MYRIP: variants seen among roughly 807,000 people sequenced by gnomAD.
The protein encoded by MYRIP is myosin VIIA and Rab interacting protein, also known as rab effector MyRIP.
MYRIP carries 49 observed loss-of-function variants against 98.0 expected under a neutral mutation model. The observed-to-expected ratio is 0.50, with a 90% CI of 0.40 to 0.63. MYRIP has a LOEUF of 0.63. Among genes scored for constraint, MYRIP ranks in the 30% least tolerant of loss-of-function variants. MYRIP has a pLI of 0.00. For missense variants in MYRIP, 1,004 were observed against 1,058.2 expected (o/e 0.95, Z 0.71); for synonymous variants, 404 against 409.5 (o/e 0.99, Z 0.16).
chr3:39,863,490 CA>C, intron 1 of MYRIP, among the ~76,000 whole-genome samples: 1 of 151,614 alleles, frequency 6.6e-6, no homozygotes, highest in East Asian at 1.9e-4. Context: ...CACAGAAATA[CA>C]AAAAACAAAA....
intron 3 of MYRIP, among the ~76,000 whole-genome samples, chr3:40,147,521 A>G (rs1248251367): frequency 2.0e-5 from 3 of 152,188 alleles, no homozygotes; most frequent in Admixed American, 2.0e-4. Context: ...ATTATCTTCT[A>G]GAGACCAAAG....
chr3:39,955,477 T>A (rs1187427389), intron 2 of MYRIP, among the ~76,000 whole-genome samples: 2 of 152,118 alleles, frequency 1.3e-5, no homozygotes, highest in Admixed American at 6.6e-5. Context: ...AAGCAAATGC[T>A]GAGAGATTCT....
chr3:40,110,536 T>C (rs1191920379), intron 3 of MYRIP, among the ~76,000 whole-genome samples: 1 of 152,200 alleles, frequency 6.6e-6, no homozygotes, highest in East Asian at 1.9e-4. Context: ...TCTGTTTAAC[T>C]TGCTCAGCCT....
At chr3:40,214,483 G>T (rs537563831) in intron 11 of MYRIP, among the ~76,000 whole-genome samples, 7 of 152,306 alleles carry the variant, frequency 4.6e-5, no homozygotes, top group African/African-American at 1.7e-4. Context: ...TCAAACCTTT[G>T]CTGTATGCAA....
intron 4 of MYRIP, among the ~76,000 whole-genome samples, chr3:40,160,416 T>A (rs1391429157): frequency 2.0e-5 from 3 of 152,212 alleles, no homozygotes; most frequent in South Asian, 2.1e-4. Flanking sequence ...ACAGGGACAT[T>A]TAAGTCTGCA....
At chr3:40,095,669 A>G (rs1454278412) in intron 3 of MYRIP, among the ~76,000 whole-genome samples, 2 of 152,088 alleles carry the variant, frequency 1.3e-5, no homozygotes, top group Non-Finnish European at 2.9e-5. Context: ...ATGCAGAGAC[A>G]CCACAGGCAG....
chr3:39,893,908 C>G (rs1301871540), intron 1 of MYRIP, among the ~76,000 whole-genome samples: 2 of 152,064 alleles, frequency 1.3e-5, no homozygotes, highest in East Asian at 3.8e-4. Flanking sequence ...ATTTTAGTAA[C>G]TTGAACAATT....
chr3:40,224,784 C>T (rs961035716), intron 11 of MYRIP, among the ~76,000 whole-genome samples: 1 of 152,232 alleles, frequency 6.6e-6, no homozygotes, highest in Admixed American at 6.5e-5. Context: ...CTCCTCTAAT[C>T]TCTGTTATGT....
chr3:40,110,108 G>A (rs1949129295), intron 3 of MYRIP, among the ~76,000 whole-genome samples: 1 of 152,212 alleles, frequency 6.6e-6, no homozygotes, highest in Non-Finnish European at 1.5e-5. Context: ...CTGCCCACCA[G>A]TGGGCCTTTT....
intron 2 of MYRIP, among the ~76,000 whole-genome samples, chr3:39,904,723 C>T (rs1041366830): frequency 1.3e-5 from 2 of 152,140 alleles, no homozygotes; most frequent in African/African-American, 4.8e-5. Context: ...TCACAGTGAG[C>T]AGAGGCACAT....
intron 1 of MYRIP, among the ~76,000 whole-genome samples, chr3:39,871,869 GCTTA>G (rs1050704277): frequency 6.6e-6 from 1 of 151,818 alleles, no homozygotes; most frequent in African/African-American, 2.4e-5. Flanking sequence ...AATAAACAGT[GCTTA>G]CTGAGTACCA....
intron 3 of MYRIP, among the ~76,000 whole-genome samples, chr3:40,113,841 C>A (rs558550889): frequency 6.6e-6 from 1 of 152,112 alleles, no homozygotes. Flanking sequence ...AGGCGCCCAC[C>A]ACCACGCCCA....
chr3:40,198,860 T>C (rs1276109488), intron 10 of MYRIP, among the ~76,000 whole-genome samples: 1 of 152,202 alleles, frequency 6.6e-6, no homozygotes, highest in Non-Finnish European at 1.5e-5. Flanking sequence ...ATTTATTTAA[T>C]AGGTGTATGC....
chr3:40,078,888 G>A (rs758004905), intron 3 of MYRIP, among the ~76,000 whole-genome samples: 1 of 152,094 alleles, frequency 6.6e-6, no homozygotes, highest in South Asian at 2.1e-4. Flanking sequence ...GTCAAAACAT[G>A]ATTTGGAGTT....
chr3:40,196,134 T>C (rs972531505), intron 10 of MYRIP, among the ~76,000 whole-genome samples: 5 of 152,046 alleles, frequency 3.3e-5, no homozygotes, highest in South Asian at 2.1e-4. Context: ...CATTCCCTCT[T>C]TTCTTACTTG....
rs377391634 is a variant in MYRIP at position 40,138,676 on chromosome 3, T to C, written c.333-12372T>C. ...TTTTTTCTGACATTAAGGTTTTTTA[T>C]TGGCAGATAATAATTTTACATATTT... On this transcript the variant is annotated intron_variant, in intron 3 of 16. Coordinates refer to ENST00000302541, the MANE Select transcript of MYRIP (RefSeq NM_015460.4). 3.3e-4 allele frequency among the ~76,000 whole-genome samples: 50 copies of C among 152,340 alleles called. No individual in the cohort carries two copies. In the South Asian group the frequency reaches 9.5e-3, roughly 29 times the overall value.
At position 40,203,955 on chromosome 3, in the gene MYRIP, T is replaced by TAATATAC. The variant is rs1951672909; in HGVS notation, c.1666-5898_1666-5897insATATACA. On this transcript the variant is annotated intron_variant, in intron 10 of 16. Coordinates refer to ENST00000302541, the MANE Select transcript of MYRIP (RefSeq NM_015460.4). ...TATAATATATATTATATATATTATA[T>TAATATAC]ATTATATACATTATATATATTATAT... 1.3e-4 allele frequency among the ~76,000 whole-genome samples: 2 copies of TAATATAC among 15,288 alleles called. 1 individual carries two copies. Among genetic ancestry groups the TAATATAC allele is most frequent in the African/African-American group, 6.1e-4 (2 of 3,298 alleles). 10.0% of individuals were successfully genotyped at this position (15,288 alleles called of 152,430 possible).
At chr3:40,118,778 G>C (rs554269203) in intron 3 of MYRIP, among the ~76,000 whole-genome samples, 1 of 151,734 alleles carries the variant, frequency 6.6e-6, no homozygotes. Context: ...ACAGGCCCTG[G>C]GGTGTGATGT....
At chr3:39,995,374 T>C (rs12633975) in intron 2 of MYRIP, among the ~76,000 whole-genome samples, 1 of 151,972 alleles carries the variant, frequency 6.6e-6, no homozygotes, top group Non-Finnish European at 1.5e-5. Flanking sequence ...CATGGCACGA[T>C]AACTACATGA....
Sources: gnomAD v4.1 joint callset for allele counts (sites outside exome capture counted in the v4.1 genomes callset) on GRCh38, gnomAD v4.1.1 for gene constraint, MANE v1.5 for transcripts, NCBI Gene and HGNC (gene_info 2026-07-23, HGNC 2026-07-21) for gene names.